SPOCK1: variants seen among roughly 807,000 people sequenced by gnomAD.
The protein encoded by SPOCK1 is testican-1.
A neutral mutation model predicts 55.3 loss-of-function variants in SPOCK1; 23 were observed. The observed-to-expected ratio is 0.42, with a 90% CI of 0.30 to 0.59. The LOEUF is 0.59. SPOCK1 is among the 20% of genes least tolerant of loss of function. SPOCK1 has a pLI of 0.22. For synonymous variants in SPOCK1, 226 were observed against 221.0 expected, an observed-to-expected ratio of 1.02 and a Z score of -0.20; for missense variants, 499 against 552.5, an observed-to-expected ratio of 0.90 and a Z score of 0.97.
At chr5:137,139,381 G>A (rs1333358771) in intron 4 of SPOCK1, among the ~76,000 whole-genome samples, 1 of 152,128 alleles carries the variant, frequency 6.6e-6, no homozygotes, top group Non-Finnish European at 1.5e-5. Context: ...TCAGAGGGCA[G>A]GAGCTCCCTA....
chr5:137,063,728 T>G (rs1329998499), intron 6 of SPOCK1, among the ~76,000 whole-genome samples: 1 of 152,212 alleles, frequency 6.6e-6, no homozygotes, highest in African/African-American at 2.4e-5. Context: ...TTCTGAAACC[T>G]GAGACAGGTG....
chr5:137,087,235 C>G (rs1215277548), intron 5 of SPOCK1, among the ~76,000 whole-genome samples: 1 of 152,160 alleles, frequency 6.6e-6, no homozygotes, highest in Non-Finnish European at 1.5e-5. Context: ...CCCTTCCTCT[C>G]TCAAGGTGAA....
chr5:137,324,143 T>A (rs975068045), intron 2 of SPOCK1, among the ~76,000 whole-genome samples: 1 of 152,226 alleles, frequency 6.6e-6, no homozygotes, highest in Non-Finnish European at 1.5e-5. Flanking sequence ...TTAGCCAACC[T>A]TAAAAAAAGA....
At chr5:137,245,442 C>T (rs535023058) in intron 3 of SPOCK1, among the ~76,000 whole-genome samples, 72 of 152,130 alleles carry the variant, frequency 4.7e-4, no homozygotes, top group Non-Finnish European at 6.0e-4. Context: ...GATTATTATG[C>T]CAATTGTTGG....
intron 4 of SPOCK1, among the ~76,000 whole-genome samples, chr5:137,114,140 G>A (rs563051461): frequency 4.5e-4 from 69 of 152,296 alleles, no homozygotes; most frequent in African/African-American, 1.6e-3. Flanking sequence ...AGAGATCCTA[G>A]GCTGGGCAGG....
intron 2 of SPOCK1, among the ~76,000 whole-genome samples, chr5:137,372,916 T>C (rs952729565): frequency 6.6e-6 from 1 of 152,250 alleles, no homozygotes; most frequent in African/African-American, 2.4e-5. Flanking sequence ...TCTTTGCAGC[T>C]ACAGTTTGTG....
At chr5:137,108,548 C>T (rs920521325) in intron 5 of SPOCK1, among the ~76,000 whole-genome samples, 9 of 152,138 alleles carry the variant, frequency 5.9e-5, no homozygotes, top group Admixed American at 3.9e-4. Context: ...AGGCAGGAGA[C>T]CATGGGCGTA....
intron 3 of SPOCK1, among the ~76,000 whole-genome samples, chr5:137,160,577 A>ACAC (rs1167519489): frequency 1.7e-5 from 1 of 58,246 alleles, no homozygotes; most frequent in African/African-American, 6.4e-5. Context: ...TATATTATAT[A>ACAC]ATATATATAA....
intron 3 of SPOCK1, among the ~76,000 whole-genome samples, chr5:137,158,911 G>C (rs899481273): frequency 6.6e-6 from 1 of 152,180 alleles, no homozygotes. Flanking sequence ...GCTTCTCCAG[G>C]CTCCACAGGG....
chr5:137,165,934 G>T (rs1754640343), intron 3 of SPOCK1, among the ~76,000 whole-genome samples: 1 of 151,972 alleles, frequency 6.6e-6, no homozygotes, highest in South Asian at 2.1e-4. Flanking sequence ...GCCTCGAAAG[G>T]GCACATCTAA....
chr5:137,007,529 A>G (rs1302847668), intron 6 of SPOCK1, among the ~76,000 whole-genome samples: 1 of 152,256 alleles, frequency 6.6e-6, no homozygotes, highest in Non-Finnish European at 1.5e-5. Context: ...GCCAAGCAAC[A>G]TATGAAAAAA....
chr5:137,454,441 A>C (rs1356684418), intron 2 of SPOCK1, among the ~76,000 whole-genome samples: 1 of 152,210 alleles, frequency 6.6e-6, no homozygotes, highest in African/African-American at 2.4e-5. Flanking sequence ...TCTCTTTTAC[A>C]TAACCAAAAG....
intron 3 of SPOCK1, among the ~76,000 whole-genome samples, chr5:137,167,679 C>T (rs915325342): frequency 6.6e-6 from 1 of 151,910 alleles, no homozygotes; most frequent in African/African-American, 2.4e-5. Context: ...GGAAACTATA[C>T]AAACACATGG....
At chr5:137,286,650 A>G (rs1757272274) in intron 2 of SPOCK1, among the ~76,000 whole-genome samples, 1 of 152,200 alleles carries the variant, frequency 6.6e-6, no homozygotes, top group Non-Finnish European at 1.5e-5. Context: ...AGCCTAGAAC[A>G]GCAAAGGGAG....
At chr5:137,265,528 T>TA (rs1349193497) in intron 3 of SPOCK1, among the ~76,000 whole-genome samples, 2 of 152,232 alleles carry the variant, frequency 1.3e-5, no homozygotes, top group African/African-American at 4.8e-5. Context: ...GATAAAGTTT[T>TA]ATCCTATTAA....
intron 6 of SPOCK1, among the ~76,000 whole-genome samples, chr5:137,065,502 A>T (rs1296037961): frequency 6.6e-6 from 1 of 152,218 alleles, no homozygotes; most frequent in Non-Finnish European, 1.5e-5. Flanking sequence ...TCATTGGTGC[A>T]GGCTTCCAAG....
intron 2 of SPOCK1, among the ~76,000 whole-genome samples, chr5:137,375,065 AAAAG>A (rs1462557275): frequency 6.6e-6 from 1 of 152,252 alleles, no homozygotes; most frequent in Non-Finnish European, 1.5e-5. Context: ...CCTTTGGAAA[AAAAG>A]AAAGATCCAC....
intron 3 of SPOCK1, among the ~76,000 whole-genome samples, chr5:137,180,452 T>C (rs962315693): frequency 2.0e-5 from 3 of 152,134 alleles, no homozygotes; most frequent in Admixed American, 2.0e-4. Context: ...TCAATGGCTC[T>C]GAGCTATACA....
chr5:137,334,028 T>C (rs1750180325), intron 2 of SPOCK1, among the ~76,000 whole-genome samples: 1 of 152,202 alleles, frequency 6.6e-6, no homozygotes, highest in Admixed American at 6.5e-5. Context: ...GGGTGCCCCG[T>C]CAGATCCCCA....
Sources: allele counts gnomAD v4.1 joint callset (sites outside exome capture counted in the v4.1 genomes callset), GRCh38; gene constraint gnomAD v4.1.1; transcripts MANE v1.5; gene names NCBI Gene and HGNC (gene_info 2026-07-23, HGNC 2026-07-21).